Variants in S100A16 observed in about 807,000 individuals in gnomAD.
The protein encoded by S100A16 is S100 calcium binding protein A16, also known as protein S100-A16.
A neutral mutation model predicts 9.0 loss-of-function variants in S100A16; 8 were observed. The ratio of observed to expected loss-of-function variants is 0.89; its 90% CI spans 0.52 to 1.60. The LOEUF is 1.60. Among genes scored for constraint, S100A16 ranks in the 40% most tolerant of loss-of-function variants. The probability of loss-of-function intolerance (pLI) is 0.00; values close to 1 mark genes in which losing one functional copy is unlikely to be tolerated. For missense variants in S100A16, 138 were observed against 132.4 expected, an observed-to-expected ratio of 1.04 and a Z score of -0.21; for synonymous variants, 51 against 51.4, an observed-to-expected ratio of 0.99 and a Z score of 0.04.
chr1:153,607,022 G>A lies in S100A16; in HGVS notation c.*512C>T. 2.0e-5 allele frequency: 6 copies of A among 306,888 alleles called. No homozygotes were observed. Among genetic ancestry groups the A allele is most frequent in the South Asian group, 1.1e-4 (4 of 35,858 alleles). The allele number at this position is 306,888 out of a possible 1,614,324, so 19.0% of individuals were successfully genotyped here. ...CTTGCTTAGCTCATTCCCAGATGAA[G>A]AGGCAGCTGGAGGGAAGTCCCTGAA... is the stretch of plus-strand genomic sequence containing the variant. On this transcript the variant is annotated 3_prime_UTR_variant, in exon 3 of 3. Coordinates refer to ENST00000368706, the MANE Select transcript of S100A16 (RefSeq NM_080388.3).
chr1:153,610,726 G>A (rs1384343523), intron 1 of S100A16, among the ~76,000 whole-genome samples: 1 of 152,150 alleles, frequency 6.6e-6, no homozygotes, highest in Non-Finnish European at 1.5e-5. Context: ...TCTGAAGGAA[G>A]GATAGGGTAG....
At chr1:153,611,292 C>A (rs1308740884) in intron 1 of S100A16, among the ~76,000 whole-genome samples, 1 of 148,672 alleles carries the variant, frequency 6.7e-6, no homozygotes, top group East Asian at 2.0e-4. Flanking sequence ...CCACCCCTAG[C>A]ATCCCCAGGC....
At position 153,607,346 on chromosome 1, in the gene S100A16, C is replaced by T. The variant is rs1248067821; in HGVS notation, c.*188G>A. The T allele has an allele frequency of 1.4e-6, 1 of 695,824 alleles. No homozygotes were observed. Among genetic ancestry groups the T allele is most frequent in the African/African-American group, 1.8e-5 (1 of 55,524 alleles). The allele number at this position is 695,824 out of a possible 1,614,324, so 43.1% of individuals were successfully genotyped here. A position where few individuals can be genotyped will look rare whatever the true frequency, so the allele number is the denominator to read the frequency against. On this transcript the variant is annotated 3_prime_UTR_variant, in exon 3 of 3. Coordinates refer to ENST00000368706, the MANE Select transcript of S100A16 (RefSeq NM_080388.3). The stretch of plus-strand genomic sequence containing the variant: ...TGCGACTCCAGGAGCTGAGACCCCC[C>T]AGGGAGGGAGGTACCTCTAGACTGA...
chr1:153,612,305 C>T (rs1418441000), intron 1 of S100A16, among the ~76,000 whole-genome samples: 10 of 152,086 alleles, frequency 6.6e-5, no homozygotes, highest in African/African-American at 1.4e-4. Flanking sequence ...GAGGAGCTGC[C>T]GAGGTTCAGC....
In S100A16 at chr1:153,607,309, G is replaced by A; in HGVS notation, c.*225C>T. The A allele has an allele frequency of 1.7e-6, 1 of 604,278 alleles. No homozygotes were observed. Among genetic ancestry groups the A allele is most frequent in the Admixed American group, 3.0e-5 (1 of 33,674 alleles). 37.4% of individuals were successfully genotyped at this position (604,278 alleles called of 1,614,324 possible). A position where few individuals can be genotyped will look rare whatever the true frequency, so the allele number is the denominator to read the frequency against. ...GACAGCATTGAGATCTCACAGAGGG[G>A]CCCCAAGGGCCTGCGACTCCAGGAG... On this transcript the variant is annotated 3_prime_UTR_variant, in exon 3 of 3. Coordinates refer to ENST00000368706, the MANE Select transcript of S100A16 (RefSeq NM_080388.3).
chr1:153,609,457 T>A lies in S100A16; in HGVS notation c.-26-1280A>T, dbSNP rs560772360. The A allele has an allele frequency of 1.0e-5, 7 of 683,816 alleles. No homozygotes were observed. In the South Asian group the frequency reaches 3.3e-4, roughly 32 times the overall value. The allele number at this position is 683,816 out of a possible 1,614,324, so 42.4% of individuals were successfully genotyped here. A position where few individuals can be genotyped will look rare whatever the true frequency, so the allele number is the denominator to read the frequency against. Reference sequence around the variant, plus strand: ...CCCCTGCACTGGGTGCCATCCTCCCTGACTCCCACAGACGTGTCTGTCATC... The same window carrying A: ...CCCCTGCACTGGGTGCCATCCTCCCAGACTCCCACAGACGTGTCTGTCATC... On this transcript the variant is annotated intron_variant, in intron 1 of 2. Transcript: ENST00000368706.
chr1:153,607,115 GC>G lies in S100A16; in HGVS notation c.*418del. ...GGTCTCTGCTGCTGCTGCTGCTGCTGCTGCTGCTGTTGCTGCTACCACTGCC... is the reference window on the plus strand; with the variant it reads ...GGTCTCTGCTGCTGCTGCTGCTGCTGTGCTGCTGTTGCTGCTACCACTGCC... On this transcript the variant is annotated 3_prime_UTR_variant, in exon 3 of 3. Coordinates refer to ENST00000368706, the MANE Select transcript of S100A16 (RefSeq NM_080388.3). The G allele has an allele frequency of 2.2e-6, 1 of 454,170 alleles. No homozygotes were observed. Among genetic ancestry groups the G allele is most frequent in the Non-Finnish European group, 4.4e-6 (1 of 226,396 alleles). The allele number at this position is 454,170 out of a possible 1,614,324, so 28.1% of individuals were successfully genotyped here. A position where few individuals can be genotyped will look rare whatever the true frequency, so the allele number is the denominator to read the frequency against.
intron 1 of S100A16, among the ~76,000 whole-genome samples, chr1:153,611,589 A>G (rs142297551): frequency 4.2e-4 from 64 of 152,080 alleles, no homozygotes; most frequent in African/African-American, 1.3e-3. Flanking sequence ...TCATTCATTC[A>G]CTTGCTCATT....
At chr1:153,612,875 C>T (rs1207281941) in intron 1 of S100A16, 77 bp downstream of exon 1, 2 of 152,448 alleles carry the variant, frequency 1.3e-5, no homozygotes, top group Non-Finnish European at 2.9e-5. Context: ...CCCTTCACTG[C>T]CCCTTCTCCT....
intron 1 of S100A16, 165 bp from the exon 2 acceptor site, chr1:153,608,342 C>T: frequency 1.6e-6 from 1 of 619,174 alleles, no homozygotes; most frequent in East Asian, 2.8e-5. Flanking sequence ...GAGAGTGAGC[C>T]CTGGAATGAG....
In S100A16 at chr1:153,607,514, AG is replaced by A; in HGVS notation, c.*19del. The A allele has an allele frequency of 6.2e-7, 1 of 1,613,774 alleles. No homozygotes were observed. The highest frequency in any genetic ancestry group is 1.1e-5 in the South Asian group (1 of 91,068). ...GCGGGGCATCAGGCCAGTGCCTGGA[AG>A]GTGTGGCCAAAGGGGTCTCTAGCTG... On this transcript the variant is annotated 3_prime_UTR_variant, in exon 3 of 3. Coordinates refer to ENST00000368706, the MANE Select transcript of S100A16 (RefSeq NM_080388.3).
At chr1:153,608,551 C>T (rs1204656742) in intron 1 of S100A16, among the ~76,000 whole-genome samples, 1 of 152,196 alleles carries the variant, frequency 6.6e-6, no homozygotes, top group African/African-American at 2.4e-5. Flanking sequence ...GCTGGCCCAC[C>T]TCTCCCGGGG....
At chr1:153,610,144 G>C (rs1371107453) in intron 1 of S100A16, among the ~76,000 whole-genome samples, 1 of 152,216 alleles carries the variant, frequency 6.6e-6, no homozygotes, top group Non-Finnish European at 1.5e-5. Flanking sequence ...TCTGTCTGCT[G>C]TGCTGCCCTT....
At chr1:153,610,056 G>C (rs1666800369) in intron 1 of S100A16, among the ~76,000 whole-genome samples, 3 of 152,326 alleles carry the variant, frequency 2.0e-5, no homozygotes, top group Middle Eastern at 3.4e-3. Flanking sequence ...GTGGTTCCCT[G>C]TCTATACCGC....
Position 153,608,006 on chromosome 1 carries a change from A to G in S100A16, c.146T>C (p.Met49Thr). The stretch of plus-strand genomic sequence containing the variant: ...TTGGGTGAGAGGCCTTACCGACAGC[A>G]TGTGGTTCAGCTCTTTCTGGAGCAT... ...REMLQKELNH[M>T]LSDTGNRKAA... Residue 49 changes from methionine (M) to threonine (T), a missense_variant, in exon 2 of 3, where the codon ATG (methionine) becomes ACG (threonine). By Grantham distance (81) the Met-to-Thr change is moderately conservative. Transcript: ENST00000368706. The G allele has an allele frequency of 1.2e-6, 2 of 1,613,964 alleles. No homozygotes were observed. Among genetic ancestry groups the G allele is most frequent in the Non-Finnish European group, 8.5e-7 (1 of 1,179,928 alleles).
chr1:153,607,586 G>A lies in S100A16; in HGVS notation c.260C>T (p.Thr87Ile). ...ATGGATGAGTTTGGCGATGGGGCCG[G>A]TGATGCCGCCTATCAAGGTCCAGTA... is the stretch of plus-strand genomic sequence containing the variant. ...DEYWTLIGGI[T>I]GPIAKLIHEQ... The change falls in exon 3 of 3, where the codon ACC becomes ATC. Residue 87 changes from threonine to isoleucine, a missense_variant. Physicochemically the swap from Thr to Ile is moderately conservative, Grantham distance 89. Coordinates refer to ENST00000368706, the MANE Select transcript of S100A16 (RefSeq NM_080388.3). 1.2e-6 allele frequency: 2 copies of A among 1,614,224 alleles called. No individual in the cohort carries two copies. The highest frequency in any genetic ancestry group is 1.1e-5 in the South Asian group (1 of 91,086).
chr1:153,609,036 T>C, intron 1 of S100A16: 1 of 985,556 alleles, frequency 1.0e-6, no homozygotes, highest in South Asian at 4.7e-5. Context: ...GCCTTCTGAA[T>C]AACAGGATAT....
At chr1:153,607,876 C>T (rs1353770665) in intron 2 of S100A16, 123 bp downstream of exon 2, 2 of 1,217,448 alleles carry the variant, frequency 1.6e-6, no homozygotes, top group South Asian at 1.4e-5. Context: ...GTAGAAGACC[C>T]TGGAGTTAGC....
Position 153,607,323 on chromosome 1 carries a change from C to T in S100A16, c.*211G>A, listed in dbSNP as rs1477316027. On this transcript the variant is annotated 3_prime_UTR_variant, in exon 3 of 3. Coordinates refer to ENST00000368706, the MANE Select transcript of S100A16 (RefSeq NM_080388.3). ...CTCACAGAGGGGCCCCAAGGGCCTG[C>T]GACTCCAGGAGCTGAGACCCCCCAG... 1.1e-5 allele frequency: 7 copies of T among 630,444 alleles called. No homozygotes were observed. The highest frequency in any genetic ancestry group is 9.2e-5 in the African/African-American group (5 of 54,390). 39.1% of individuals were successfully genotyped at this position (630,444 alleles called of 1,614,324 possible).
Sources: allele counts gnomAD v4.1 joint callset (sites outside exome capture counted in the v4.1 genomes callset), GRCh38; gene constraint gnomAD v4.1.1; transcripts MANE v1.5; gene names NCBI Gene and HGNC (gene_info 2026-07-23, HGNC 2026-07-21).